PRPF4: variants seen among roughly 807,000 people sequenced by gnomAD.
PRPF4 encodes U4/U6 small nuclear ribonucleoprotein Prp4.
PRPF4 carries 14 observed loss-of-function variants against 72.2 expected under a neutral mutation model. That is an observed-to-expected ratio of 0.19 (90% confidence interval 0.13 to 0.30). PRPF4 has a LOEUF of 0.30. Ranked by LOEUF, PRPF4 falls within the 10% of genes least tolerant of loss-of-function variation. PRPF4 has a pLI of 1.00. For missense variants in PRPF4, 478 were observed against 653.9 expected (o/e 0.73, Z 2.93); for synonymous variants, 225 against 232.2 (o/e 0.97, Z 0.28).
At position 113,275,784 on chromosome 9, in the gene PRPF4, G is replaced by A; in HGVS notation, c.27+14G>A. 1 of 1,611,354 alleles carries A rather than the reference G, an allele frequency of 6.2e-7. No homozygotes were observed. The highest frequency in any genetic ancestry group is 8.5e-7 in the Non-Finnish European group (1 of 1,178,658). ...GCCTCTTCCACGGTACAGAGCCCGGGATCCCAGCTCACTCTGGCAGGGAGC... is the reference window on the plus strand; with the variant it reads ...GCCTCTTCCACGGTACAGAGCCCGGAATCCCAGCTCACTCTGGCAGGGAGC... On this transcript the variant is annotated intron_variant, in intron 1 of 13. Transcript: ENST00000374198.
rs186281327 is a variant in PRPF4, at chr9:113,286,698, C to T, written c.809-7C>T. On this transcript the variant is annotated splice_polypyrimidine_tract_variant and splice_region_variant and intron_variant, in intron 8 of 13. Coordinates refer to ENST00000374198, the MANE Select transcript of PRPF4 (RefSeq NM_001244926.2). ...CCTTTTAACTTGCATCTCTTACACT[C>T]CTTTAGGGCATAACACAAATGTAGG... The T allele has an allele frequency of 1.1e-4, 174 of 1,614,130 alleles. No individual in the cohort carries two copies. The African/African-American group carries it at 1.9e-3, about 18-fold the overall frequency.
chr9:113,280,877 G>T (rs1291109769), intron 3 of PRPF4, among the ~76,000 whole-genome samples: 2 of 151,130 alleles, frequency 1.3e-5, no homozygotes, highest in Non-Finnish European at 2.9e-5. Flanking sequence ...GTCTCGCTCT[G>T]TCACCCAGGG....
intron 2 of PRPF4, among the ~76,000 whole-genome samples, chr9:113,278,326 C>G (rs1248364103): frequency 1.3e-5 from 2 of 152,250 alleles, no homozygotes; most frequent in African/African-American, 2.4e-5. Flanking sequence ...CTTATTGATC[C>G]TCCCACACAT....
chr9:113,275,736 A>T lies in PRPF4; in HGVS notation c.-8A>T. On this transcript the variant is annotated 5_prime_UTR_variant, in exon 1 of 14. Transcript: ENST00000374198. ...TTTCGCTGGGGCCTCGCGGCTCCAG[A>T]GCCCAGCATGGCTTCCTCGCGAGCC... The T allele has an allele frequency of 2.5e-6, 4 of 1,610,580 alleles. No homozygotes were observed. Among genetic ancestry groups the T allele is most frequent in the Non-Finnish European group, 3.4e-6 (4 of 1,178,368 alleles).
chr9:113,282,339 C>T (rs1254560192), intron 3 of PRPF4, among the ~76,000 whole-genome samples: 1 of 152,026 alleles, frequency 6.6e-6, no homozygotes, highest in Non-Finnish European at 1.5e-5. Context: ...CCAGTTGTAG[C>T]AGTGTACATG....
chr9:113,291,440 A>G, intron 13 of PRPF4, 27 bp from the exon 14 acceptor site: 1 of 1,580,942 alleles, frequency 6.3e-7, no homozygotes, highest in Non-Finnish European at 8.7e-7. Flanking sequence ...GAATTCCTCA[A>G]GCAATTCCCC....
chr9:113,279,162 TTA>T, intron 3 of PRPF4, 31 bp downstream of exon 3: 1 of 1,578,868 alleles, frequency 6.3e-7, no homozygotes, highest in South Asian at 1.2e-5. Context: ...CTTTTTTTCT[TTA>T]TTATAATCAC....
At chr9:113,286,674 C>A in intron 8 of PRPF4, 31 bp from the exon 9 acceptor site, 2 of 1,613,872 alleles carry the variant, frequency 1.2e-6, no homozygotes, top group South Asian at 1.1e-5. Flanking sequence ...AGGCAGGAAC[C>A]TTTTAACTTG....
intron 2 of PRPF4, among the ~76,000 whole-genome samples, chr9:113,277,747 C>A (rs1445860529): frequency 1.3e-5 from 2 of 151,990 alleles, no homozygotes; most frequent in Non-Finnish European, 2.9e-5. Flanking sequence ...CACCTGTAAT[C>A]CCAGCACTTT....
At chr9:113,289,720 C>T (rs1832553160) in intron 10 of PRPF4, among the ~76,000 whole-genome samples, 1 of 152,224 alleles carries the variant, frequency 6.6e-6, no homozygotes, top group African/African-American at 2.4e-5. Context: ...TGTTGAAAAT[C>T]ATCTGACCAT....
intron 13 of PRPF4, among the ~76,000 whole-genome samples, 165 bp from the exon 14 acceptor site, chr9:113,291,302 T>G (rs1378562211): frequency 1.3e-5 from 2 of 152,192 alleles, no homozygotes; most frequent in Non-Finnish European, 2.9e-5. Flanking sequence ...TCTGAATAGA[T>G]TCTCGGTCAG....
At chr9:113,284,066 T>A (rs1588014225) in intron 6 of PRPF4, among the ~76,000 whole-genome samples, 7 of 98,338 alleles carry the variant, frequency 7.1e-5, no homozygotes, top group African/African-American at 4.3e-5. Context: ...AGACTCTGTC[T>A]CAAAAAAAAA....
chr9:113,286,878 T>C (rs750521200), intron 9 of PRPF4, 50 bp downstream of exon 9: 2 of 1,612,434 alleles, frequency 1.2e-6, no homozygotes, highest in Non-Finnish European at 1.7e-6. Flanking sequence ...AAGTAGATGT[T>C]TGATTGGTTG....
At chr9:113,283,071 C>T (rs1465089601) in intron 4 of PRPF4, 61 bp from the exon 5 acceptor site, 60 of 1,603,878 alleles carry the variant, frequency 3.7e-5, no homozygotes, top group Non-Finnish European at 5.1e-5. Context: ...GGAGAAATGA[C>T]AGTTATAAGA....
intron 6 of PRPF4, 146 bp downstream of exon 6, chr9:113,283,628 C>A: frequency 1.3e-6 from 1 of 758,664 alleles, no homozygotes; most frequent in East Asian, 2.7e-5. Flanking sequence ...TGGAAGGAGC[C>A]ATCAGTTAAT....
chr9:113,282,815 G>A (rs1832322512), intron 4 of PRPF4, 82 bp downstream of exon 4: 3 of 1,220,448 alleles, frequency 2.5e-6, no homozygotes, highest in Non-Finnish European at 3.5e-6. Context: ...TCAATGGTTT[G>A]TTTTGCTGAG....
At chr9:113,287,623 C>T (rs986883890) in intron 9 of PRPF4, among the ~76,000 whole-genome samples, 36 of 152,368 alleles carry the variant, frequency 2.4e-4, no homozygotes, top group African/African-American at 6.5e-4. Flanking sequence ...CTTCACTCCT[C>T]ACCAGACAGG....
chr9:113,275,759 G>C lies in PRPF4; in HGVS notation c.16G>C (p.Ala6Pro). 1 of 1,612,742 alleles carries C rather than the reference G, an allele frequency of 6.2e-7. No individual in the cohort carries two copies. Residue 6 changes from alanine to proline, a missense_variant, in exon 1 of 14, where the codon GCC (alanine) becomes CCC (proline). Transcript: ENST00000374198. Reference protein sequence around the residue: MASSRASSTATKTKAP... With the variant: MASSRPSSTATKTKAP... ...AGAGCCCAGCATGGCTTCCTCGCGA[G>C]CCTCTTCCACGGTACAGAGCCCGGG...
chr9:113,283,200 T>C lies in PRPF4; in HGVS notation c.549T>C (p.Tyr183=). ...LKVARLWIAN[Y]SLPRAMKRLE... ...TGGCAAGACTATGGATTGCTAATTA[T>C]TCGTTGCCCAGGTAAAGAGAGCCTC... is the stretch of plus-strand genomic sequence containing the variant. The change falls in exon 5 of 14, where the codon TAT becomes TAC. Residue 183 remains tyrosine, a synonymous_variant. Coordinates refer to ENST00000374198, the MANE Select transcript of PRPF4 (RefSeq NM_001244926.2). 1 of 1,614,232 alleles carries C rather than the reference T, an allele frequency of 6.2e-7. No homozygotes were observed.
Sources: gnomAD v4.1 joint callset for allele counts (sites outside exome capture counted in the v4.1 genomes callset) on GRCh38, gnomAD v4.1.1 for gene constraint, MANE v1.5 for transcripts, NCBI Gene and HGNC (gene_info 2026-07-23, HGNC 2026-07-21) for gene names.